TSEN15: variants seen among roughly 807,000 people sequenced by gnomAD.
TSEN15 encodes tRNA splicing endonuclease subunit 15, also known as tRNA-splicing endonuclease subunit Sen15.
TSEN15 carries 10 observed loss-of-function variants against 20.5 expected under a neutral mutation model. That is an observed-to-expected ratio of 0.49 (90% confidence interval 0.30 to 0.83). TSEN15 has a LOEUF of 0.83. Ranked by LOEUF, TSEN15 falls within the 40% of genes least tolerant of loss-of-function variation. The pLI is 0.06. For synonymous variants in TSEN15, 72 were observed against 80.1 expected (o/e 0.90, Z 0.54); for missense variants, 180 against 218.6 (o/e 0.82, Z 1.11).
intron 3 of TSEN15, among the ~76,000 whole-genome samples, chr1:184,061,289 G>A (rs914352752): frequency 5.3e-5 from 8 of 152,074 alleles, no homozygotes; most frequent in East Asian, 3.8e-4. Flanking sequence ...TAGACTGTGC[G>A]TCTTAGCTGC....
chr1:184,094,966 A>C, intron 3 of TSEN15: 1 of 398,538 alleles, frequency 2.5e-6, no homozygotes, highest in Non-Finnish European at 4.4e-6. Flanking sequence ...ACACGGACCC[A>C]AAAGCACCCC....
intron 3 of TSEN15, among the ~76,000 whole-genome samples, chr1:184,092,051 A>G (rs1651368350): frequency 6.6e-6 from 1 of 152,178 alleles, no homozygotes. Flanking sequence ...GCATTTGGTA[A>G]ATCTGTTGCT....
chr1:184,076,329 A>G (rs542179377), downstream of TSEN15, among the ~76,000 whole-genome samples: 1 of 152,088 alleles, frequency 6.6e-6, no homozygotes, highest in South Asian at 2.1e-4. Flanking sequence ...TACTATTGTA[A>G]TTGTTTTGGT....
chr1:184,069,058 G>T (rs1223440535), intron 3 of TSEN15, among the ~76,000 whole-genome samples: 13 of 152,150 alleles, frequency 8.5e-5, no homozygotes, highest in Non-Finnish European at 4.4e-5. Context: ...TTTATGGAAA[G>T]CATTTAAATA....
intron 3 of TSEN15, among the ~76,000 whole-genome samples, chr1:184,090,391 G>A (rs143677866): frequency 3.2e-4 from 48 of 152,272 alleles, no homozygotes; most frequent in Non-Finnish European, 6.2e-4. Context: ...TGTTGATTGT[G>A]GTGGTGTTTC....
At chr1:184,085,116 C>G (rs1358345219) in intron 3 of TSEN15, among the ~76,000 whole-genome samples, 2 of 152,050 alleles carry the variant, frequency 1.3e-5, no homozygotes, top group Non-Finnish European at 2.9e-5. Flanking sequence ...TGCAGGGAAG[C>G]TGTACTGGGG....
At position 184,051,746 on chromosome 1, in the gene TSEN15, A is replaced by G. The variant is rs1412261160; in HGVS notation, c.-10A>G. The G allele has an allele frequency of 1.4e-6, 2 of 1,433,846 alleles. No individual in the cohort carries two copies. The highest frequency in any genetic ancestry group is 1.8e-6 in the Non-Finnish European group (2 of 1,091,922). The allele number at this position is 1,433,846 out of a possible 1,614,324, so 88.8% of individuals were successfully genotyped here. The stretch of plus-strand genomic sequence containing the variant: ...TCGTGGTGCACCACGGGAGCGCCGC[A>G]CCGGCCGGCATGGAGGAGCGCGGCG... On this transcript the variant is annotated 5_prime_UTR_variant, in exon 1 of 5. Transcript: ENST00000645668.
intron 3 of TSEN15, among the ~76,000 whole-genome samples, chr1:184,090,799 G>A (rs1241355231): frequency 1.3e-5 from 2 of 152,200 alleles, no homozygotes; most frequent in Non-Finnish European, 2.9e-5. Flanking sequence ...TGATCCTCCA[G>A]GCTTGCTCAG....
In TSEN15 at chr1:184,054,413, G is replaced by C. The variant is rs778968073; in HGVS notation, c.195G>C (p.Leu65Phe). 2 of 1,610,052 alleles carry C rather than the reference G, an allele frequency of 1.2e-6. No homozygotes were observed. Among genetic ancestry groups the C allele is most frequent in the South Asian group, 1.1e-5 (1 of 90,826 alleles). The change falls in exon 2 of 5, where the codon TTG becomes TTC. Residue 65 changes from leucine (L) to phenylalanine (F), a missense_variant. This residue lies in a region of TSEN15 where 76 missense variants were observed against 123.4 expected (regional missense o/e 0.62). Transcript: ENST00000645668. ...GDATQVYVAF[L>F]VYLDLMESKS... ...CCACCCAAGTTTATGTAGCGTTCTT[G>C]GTTTACCTGGACCTCATGGAAAGTA...
At chr1:184,065,041 G>A (rs12402790) in intron 3 of TSEN15, among the ~76,000 whole-genome samples, 56 of 151,980 alleles carry the variant, frequency 3.7e-4, no homozygotes, top group Non-Finnish European at 5.7e-4. Context: ...TCTAAAAAAG[G>A]CATCTCAAAT....
chr1:184,057,262 A>G (rs1650281714), intron 3 of TSEN15, among the ~76,000 whole-genome samples: 1 of 152,128 alleles, frequency 6.6e-6, no homozygotes, highest in Non-Finnish European at 1.5e-5. Context: ...TCAAGAGGAT[A>G]GTGGAGGAGA....
chr1:184,054,512 C>A, intron 2 of TSEN15, 77 bp downstream of exon 2: 1 of 1,251,164 alleles, frequency 8.0e-7, no homozygotes, highest in Non-Finnish European at 1.1e-6. Flanking sequence ...ATATAGCATT[C>A]TTAACATAAT....
At chr1:184,095,098 T>G (rs187914683) in intron 3 of TSEN15, 102 of 398,680 alleles carry the variant, frequency 2.6e-4, no homozygotes, top group African/African-American at 1.9e-3. Flanking sequence ...AGACGGTGAC[T>G]GTCTTTTTGT....
At chr1:184,054,502 A>G (rs1277818230) in intron 2 of TSEN15, 67 bp downstream of exon 2, 2 of 1,301,770 alleles carry the variant, frequency 1.5e-6, no homozygotes, top group South Asian at 1.3e-5. Flanking sequence ...TTGGATTGGG[A>G]TATAGCATTC....
In TSEN15 at chr1:184,070,761, G is replaced by T. The variant is rs145709273; in HGVS notation, c.354-1396G>T. 5.1e-6 allele frequency: 4 copies of T among 777,668 alleles called. No individual in the cohort carries two copies. The African/African-American group carries it at 5.5e-5, about 11-fold the overall frequency. 48.2% of individuals were successfully genotyped at this position (777,668 alleles called of 1,614,324 possible). On this transcript the variant is annotated intron_variant, in intron 3 of 4. Transcript: ENST00000645668. The stretch of plus-strand genomic sequence containing the variant: ...ATGAAGTTTCTGATTAATATCTATC[G>T]TTGCTTTATCAGAATATCTTTCTCT...
chr1:184,051,830 C>T lies in TSEN15; in HGVS notation c.75C>T (p.Gly25=). ...GTCCGGGCGGTGTTCGCGGCTTTGGCGACGGCGGTGGAGCTCCTTCGTGGG... is the reference window on the plus strand; with the variant it reads ...GTCCGGGCGGTGTTCGCGGCTTTGGTGACGGCGGTGGAGCTCCTTCGTGGG... The part of the protein sequence containing the change: ...GLGPGGVRGF[G]DGGGAPSWAP... The change falls in exon 1 of 5, where the codon GGC becomes GGT. Residue 25 remains glycine, a synonymous_variant. Transcript: ENST00000645668. 6.5e-7 allele frequency: 1 copy of T among 1,546,416 alleles called. No individual in the cohort carries two copies. Among genetic ancestry groups the T allele is most frequent in the Non-Finnish European group, 8.7e-7 (1 of 1,145,932 alleles).
chr1:184,077,534 A>G (rs1651086990), downstream of TSEN15, among the ~76,000 whole-genome samples: 1 of 152,186 alleles, frequency 6.6e-6, no homozygotes, highest in African/African-American at 2.4e-5. Flanking sequence ...TGCTTAAGAA[A>G]TACATTTTGT....
chr1:184,055,117 C>T (rs1170358961), intron 3 of TSEN15: 2 of 344,010 alleles, frequency 5.8e-6, no homozygotes, highest in Non-Finnish European at 5.2e-6. Flanking sequence ...GAAGGCTTTA[C>T]AGTAAGCATG....
intron 3 of TSEN15, among the ~76,000 whole-genome samples, chr1:184,086,539 A>G (rs915250489): frequency 6.6e-6 from 1 of 152,212 alleles, no homozygotes; most frequent in African/African-American, 2.4e-5. Flanking sequence ...GTTTCCATGA[A>G]GATATTAGCT....
Sources: gnomAD v4.1 joint callset for allele counts (sites outside exome capture counted in the v4.1 genomes callset) on GRCh38, gnomAD v4.1.1 for gene constraint, gnomAD v4.1.1 regional missense constraint, MANE v1.5 for transcripts, NCBI Gene and HGNC (gene_info 2026-07-23, HGNC 2026-07-21) for gene names.